Variants in TTC28 observed in about 807,000 individuals in gnomAD.
The protein encoded by TTC28 is tetratricopeptide repeat domain 28.
Under a neutral mutation model 198.0 loss-of-function variants are expected in TTC28, and 61 were observed. That is an observed-to-expected ratio of 0.31 (90% CI 0.25 to 0.38). TTC28 has a LOEUF of 0.38. Ranked by LOEUF, TTC28 falls within the 10% of genes least tolerant of loss-of-function variation. The pLI, the probability that TTC28 is intolerant of heterozygous loss-of-function variation, is 1.00. For missense variants in TTC28, 2,678 were observed against 3,164.0 expected (o/e 0.85, Z 3.69); for synonymous variants, 1,171 against 1,297.8 (o/e 0.90, Z 2.10).
At chr22:28,371,694 G>GC (rs2046340007) in intron 2 of TTC28, among the ~76,000 whole-genome samples, 1 of 134,940 alleles carries the variant, frequency 7.4e-6, no homozygotes, top group Non-Finnish European at 1.6e-5. Flanking sequence ...GCGATTCTCT[G>GC]CCTCAGCCTC....
intron 5 of TTC28, among the ~76,000 whole-genome samples, chr22:28,209,551 T>A (rs1490429662): frequency 2.0e-5 from 3 of 152,036 alleles, no homozygotes; most frequent in Non-Finnish European, 4.4e-5. Context: ...AGCACAGCAG[T>A]CTGAGATTGA....
intron 5 of TTC28, among the ~76,000 whole-genome samples, chr22:28,226,981 A>G (rs941096773): frequency 2.6e-5 from 4 of 152,194 alleles, no homozygotes; most frequent in African/African-American, 9.6e-5. Context: ...GCTGGAGTGC[A>G]GTAGAGCAAT....
At chr22:28,209,445 G>A (rs1926710140) in intron 5 of TTC28, among the ~76,000 whole-genome samples, 1 of 152,160 alleles carries the variant, frequency 6.6e-6, no homozygotes, top group Admixed American at 6.5e-5. Context: ...CCCTAATACT[G>A]CGCTTTTCCA....
At position 28,166,175 on chromosome 22, in the gene TTC28, C is replaced by A. The variant is rs1921917316; in HGVS notation, c.934-2576G>T. 2.0e-5 allele frequency among the ~76,000 whole-genome samples: 3 copies of A among 152,166 alleles called. No individual in the cohort carries two copies. In the South Asian group the frequency reaches 6.2e-4, roughly 32 times the overall value. Reference sequence around the variant, plus strand: ...TACAGGAGCACCCAGATTCATAAAGCAAGCCCTTAGTGGCCTACAAAGAGA... The same window carrying A: ...TACAGGAGCACCCAGATTCATAAAGAAAGCCCTTAGTGGCCTACAAAGAGA... On this transcript the variant is annotated intron_variant, in intron 5 of 22. Transcript: ENST00000397906.
rs145620022 is a variant in TTC28, at chr22:28,597,289, T to C, written c.381+32263A>G. The stretch of plus-strand genomic sequence containing the variant: ...GTTTTGCAACAGATTTCCAGAACAT[T>C]TTCATCCTGAAAAACTGAAACTCTA... On this transcript the variant is annotated intron_variant, in intron 2 of 22. Transcript: ENST00000397906. 7.6e-4 allele frequency among the ~76,000 whole-genome samples: 116 copies of C among 152,288 alleles called. No individual in the cohort carries two copies. The East Asian group carries it at 0.02, about 26-fold the overall frequency.
intron 2 of TTC28, among the ~76,000 whole-genome samples, chr22:28,579,473 C>A (rs920380086): frequency 2.0e-5 from 3 of 147,592 alleles, no homozygotes; most frequent in Non-Finnish European, 4.5e-5. Flanking sequence ...CTACATATTA[C>A]TAATTATATA....
intron 2 of TTC28, among the ~76,000 whole-genome samples, chr22:28,501,874 C>G (rs914384042): frequency 2.0e-5 from 3 of 151,962 alleles, no homozygotes; most frequent in Non-Finnish European, 4.4e-5. Flanking sequence ...CATGACCTGC[C>G]TATTTGTTTT....
intron 2 of TTC28, among the ~76,000 whole-genome samples, chr22:28,398,250 G>A (rs1028071453): frequency 6.6e-6 from 1 of 152,178 alleles, no homozygotes; most frequent in Admixed American, 6.5e-5. Context: ...AGATGGAGAG[G>A]GGGCCAGGGC....
In TTC28 at chr22:28,163,522, G is replaced by A; in HGVS notation, c.1011C>T (p.His337=). 2 of 1,551,768 alleles carry A rather than the reference G, an allele frequency of 1.3e-6. No individual in the cohort carries two copies. The highest frequency in any genetic ancestry group is 1.7e-6 in the Non-Finnish European group (2 of 1,147,008). Residue 337 remains histidine, a synonymous_variant, in exon 6 of 23, where the codon CAC becomes CAT. Transcript: ENST00000397906. ...GCTTGGCAAGAAGAACACACTGTTT[G>A]TGACTGGCCAGTGCATTGGGGTAGT... ...IGDYPNALAS[H]KQCVLLAKQS...
chr22:28,386,304 A>AAAAAAAAAG (rs1569296639), intron 2 of TTC28, among the ~76,000 whole-genome samples: 19 of 124,134 alleles, frequency 1.5e-4, no homozygotes, highest in African/African-American at 5.6e-4. Context: ...AAAAAAAAAA[A>AAAAAAAAAG]AAGAAGGCTT....
chr22:28,476,957 C>G (rs1174775154), intron 2 of TTC28, among the ~76,000 whole-genome samples: 1 of 152,048 alleles, frequency 6.6e-6, no homozygotes, highest in African/African-American at 2.4e-5. Flanking sequence ...TTGCTAGTAG[C>G]AGAAATAACA....
At chr22:28,152,979 C>T (rs16986077) in intron 6 of TTC28, among the ~76,000 whole-genome samples, 10,540 of 151,868 alleles carry the variant, frequency 0.069, 425 homozygotes, top group Non-Finnish European at 0.082. Context: ...CGTGTGTGTT[C>T]ACAGTAATGA....
chr22:28,668,998 T>C lies in TTC28; in HGVS notation c.102+10624A>G, dbSNP rs1402465325. ...TAAAAAATGATGAGTTCATATCCTT[T>C]GTAGGGACATGGATGAAATTGGAAA... On this transcript the variant is annotated intron_variant, in intron 1 of 22. Transcript: ENST00000397906. Among the ~76,000 whole-genome samples the C allele has an allele frequency of 4.7e-3, 196 of 41,506 alleles. 8 individuals are homozygous for C. Among genetic ancestry groups the C allele is most frequent in the Admixed American group, 0.046 (152 of 3,280 alleles). The allele number at this position is 41,506 out of a possible 152,430, so 27.2% of individuals were successfully genotyped here.
At chr22:28,434,181 T>G (rs940464431) in intron 2 of TTC28, among the ~76,000 whole-genome samples, 2 of 152,062 alleles carry the variant, frequency 1.3e-5, no homozygotes, top group African/African-American at 4.8e-5. Flanking sequence ...TTAAAAGAAA[T>G]AAAACATCAA....
chr22:28,444,872 C>T (rs1411663131), intron 2 of TTC28, among the ~76,000 whole-genome samples: 9 of 152,138 alleles, frequency 5.9e-5, no homozygotes, highest in Non-Finnish European at 7.3e-5. Context: ...TGTCCCTGCT[C>T]GAGAAGATTA....
chr22:28,009,655 C>T (rs1233165347), intron 14 of TTC28, among the ~76,000 whole-genome samples: 1 of 152,186 alleles, frequency 6.6e-6, no homozygotes, highest in African/African-American at 2.4e-5. Flanking sequence ...TGCCACAATT[C>T]GGCATGGCCC....
intron 2 of TTC28, among the ~76,000 whole-genome samples, chr22:28,431,012 C>G (rs536802098): frequency 1.3e-5 from 2 of 151,994 alleles, no homozygotes; most frequent in African/African-American, 4.8e-5. Context: ...ACTACTCTAC[C>G]GTGAAGACTC....
chr22:28,217,921 T>A (rs994173869), intron 5 of TTC28, among the ~76,000 whole-genome samples: 8 of 152,230 alleles, frequency 5.3e-5, no homozygotes, highest in African/African-American at 1.9e-4. Context: ...TTACACTTTT[T>A]AAAATCCTTA....
At chr22:28,300,259 G>A (rs1175587356) in intron 3 of TTC28, among the ~76,000 whole-genome samples, 1 of 152,216 alleles carries the variant, frequency 6.6e-6, no homozygotes, top group African/African-American at 2.4e-5. Context: ...AGAAATGTAT[G>A]AGGAAGAATG....
Sources: allele counts gnomAD v4.1 joint callset (sites outside exome capture counted in the v4.1 genomes callset), GRCh38; gene constraint gnomAD v4.1.1; transcripts MANE v1.5; gene names NCBI Gene and HGNC (gene_info 2026-07-23, HGNC 2026-07-21).